C21orf91: variants seen among roughly 807,000 people sequenced by gnomAD.
The protein encoded by C21orf91 is chromosome 21 open reading frame 91.
A neutral mutation model predicts 32.9 loss-of-function variants in C21orf91; 26 were observed. That is an observed-to-expected ratio of 0.79 (90% CI 0.58 to 1.10). C21orf91 has a LOEUF of 1.10. Among genes scored for constraint, C21orf91 ranks in the 50% least tolerant of loss-of-function variants. C21orf91 has a pLI of 0.00. For synonymous variants in C21orf91, 126 were observed against 120.4 expected (o/e 1.05, Z -0.31); for missense variants, 310 against 341.3 (o/e 0.91, Z 0.72).
chr21:17,818,449 C>T (rs2062680515), intron 1 of C21orf91, 124 bp from the exon 2 acceptor site: 1 of 741,574 alleles, frequency 1.3e-6, no homozygotes, highest in Admixed American at 2.5e-5. Flanking sequence ...AAAGCTCCAT[C>T]AAACAAGCAT....
chr21:17,801,100 T>C (rs1439110227), intron 2 of C21orf91, among the ~76,000 whole-genome samples: 1 of 152,256 alleles, frequency 6.6e-6, no homozygotes, highest in East Asian at 1.9e-4. Context: ...CACATGCATA[T>C]GTATGTTTAC....
chr21:17,793,539 G>A lies in C21orf91; in HGVS notation c.770C>T (p.Ser257Phe), dbSNP rs370784680. 3.1e-6 allele frequency: 5 copies of A among 1,613,512 alleles called. No individual in the cohort carries two copies. Among genetic ancestry groups the A allele is most frequent in the Non-Finnish European group, 4.2e-6 (5 of 1,179,684 alleles). ...ELTHQVQEKD[S>F]LASQLHVRHV... ...GCGGACATGGAGCTGTGAGGCCAAA[G>A]AATCTTTTTCTTGCACTTGGTGAGT... Residue 257 changes from serine to phenylalanine, a missense_variant, in exon 5 of 5, where the codon TCT becomes TTT. Transcript: ENST00000284881.
At chr21:17,803,458 C>T (rs2062575468) in intron 2 of C21orf91, among the ~76,000 whole-genome samples, 1 of 152,054 alleles carries the variant, frequency 6.6e-6, no homozygotes, top group South Asian at 2.1e-4. Context: ...CTGCGATGAG[C>T]CACGACTGCG....
Position 17,807,158 on chromosome 21 carries a change from T to A in C21orf91, c.128-10040A>T, listed in dbSNP as rs553346197. 2.6e-5 allele frequency among the ~76,000 whole-genome samples: 4 copies of A among 152,322 alleles called. No individual in the cohort carries two copies. In the South Asian group the frequency reaches 8.3e-4, roughly 32 times the overall value. ...TTCGATTTGTGTTCCCACCCAAGTA[T>A]CATGTCAAATTGTAATACGCAATGT... On this transcript the variant is annotated intron_variant, in intron 2 of 4. Coordinates refer to ENST00000284881, the MANE Select transcript of C21orf91 (RefSeq NM_001100420.2).
chr21:17,790,943 A>AG lies in C21orf91; in HGVS notation c.*2471dup, dbSNP rs1403844996. The AG allele has an allele frequency of 6.6e-6, 1 of 152,156 alleles. No homozygotes were observed. The highest frequency in any genetic ancestry group is 1.9e-4 in the East Asian group (1 of 5,202). 9.4% of individuals were successfully genotyped at this position (152,156 alleles called of 1,614,324 possible). On this transcript the variant is annotated 3_prime_UTR_variant, in exon 5 of 5. Transcript: ENST00000284881. The stretch of plus-strand genomic sequence containing the variant: ...GAAAATTTAGTAATGGATGACTGGC[A>AG]GTCTGTTTTGCCACTTTTTAAACAG...
chr21:17,795,162 T>C (rs2258119), intron 4 of C21orf91, 46 bp downstream of exon 4: 266,252 of 1,207,152 alleles, frequency 0.22, 31,384 homozygotes, highest in East Asian at 0.39. Flanking sequence ...TGATTTTCTA[T>C]GTCAAAATTT....
intron 3 of C21orf91, among the ~76,000 whole-genome samples, chr21:17,796,001 T>C (rs940917196): frequency 6.6e-6 from 1 of 152,226 alleles, no homozygotes; most frequent in Non-Finnish European, 1.5e-5. Context: ...TCTTAAATAA[T>C]TCACATTTAG....
chr21:17,801,129 A>G (rs1734381431), intron 2 of C21orf91, among the ~76,000 whole-genome samples: 1 of 152,242 alleles, frequency 6.6e-6, no homozygotes, highest in Non-Finnish European at 1.5e-5. Flanking sequence ...TAGTCACAAT[A>G]GCAAAGACAT....
At chr21:17,803,561 C>T (rs756386727) in intron 2 of C21orf91, among the ~76,000 whole-genome samples, 5 of 152,052 alleles carry the variant, frequency 3.3e-5, no homozygotes, top group African/African-American at 4.8e-5. Context: ...ACATTTGGCA[C>T]AGCCTAAGTA....
intron 2 of C21orf91, among the ~76,000 whole-genome samples, chr21:17,815,798 T>C (rs2062661563): frequency 6.6e-6 from 1 of 152,164 alleles, no homozygotes; most frequent in South Asian, 2.1e-4. Flanking sequence ...GTAGCTGAGA[T>C]TACAGGCATG....
chr21:17,794,058 C>T (rs1333914998), intron 4 of C21orf91, among the ~76,000 whole-genome samples: 1 of 152,148 alleles, frequency 6.6e-6, no homozygotes, highest in East Asian at 1.9e-4. Context: ...TTCTGTGTAA[C>T]ATTAATAATG....
chr21:17,808,898 G>A (rs1231983944), intron 2 of C21orf91: 1 of 152,152 alleles, frequency 6.6e-6, no homozygotes, highest in African/African-American at 2.4e-5. Flanking sequence ...CTTGGTGGGA[G>A]GTGATTAGAT....
chr21:17,797,231 G>A (rs897860505), intron 2 of C21orf91, 113 bp from the exon 3 acceptor site: 40 of 611,636 alleles, frequency 6.5e-5, no homozygotes, highest in Non-Finnish European at 9.1e-5. Flanking sequence ...GTGAATTAGA[G>A]GAAAAATGCT....
rs2062487201 is a variant in C21orf91 at position 17,792,818 on chromosome 21, T to C, written c.*597A>G. The C allele has an allele frequency of 6.6e-6, 1 of 152,646 alleles. No individual in the cohort carries two copies. The highest frequency in any genetic ancestry group is 1.5e-5 in the Non-Finnish European group (1 of 68,032). 9.5% of individuals were successfully genotyped at this position (152,646 alleles called of 1,614,324 possible). Reference sequence around the variant, plus strand: ...AACAACTCAGATTTCTAATCCAAAATATATTTATCTTTGGAAAGCAAGGTA... The same window carrying C: ...AACAACTCAGATTTCTAATCCAAAACATATTTATCTTTGGAAAGCAAGGTA... On this transcript the variant is annotated 3_prime_UTR_variant, in exon 5 of 5. Transcript: ENST00000284881.
intron 2 of C21orf91, 176 bp downstream of exon 2, chr21:17,818,016 G>A (rs148358801): frequency 7.1e-6 from 3 of 421,402 alleles, no homozygotes; most frequent in Non-Finnish European, 1.3e-5. Context: ...TCTTAAATTC[G>A]TAACTCTGTT....
intron 1 of C21orf91, chr21:17,818,863 G>A (rs1374395398): frequency 6.6e-6 from 1 of 152,338 alleles, no homozygotes; most frequent in Non-Finnish European, 1.5e-5. Context: ...AATACCCGGG[G>A]AGGGCGTCCC....
At chr21:17,814,967 T>G (rs1568757373) in intron 2 of C21orf91, among the ~76,000 whole-genome samples, 1 of 152,212 alleles carries the variant, frequency 6.6e-6, no homozygotes, top group African/African-American at 2.4e-5. Context: ...CACCTGTGGC[T>G]TGGAAGTACA....
rs762588629 is a variant in C21orf91 at position 17,797,022 on chromosome 21, C to A, written c.224G>T (p.Arg75Leu). ...YHLIANQGCP[R>L]SKLSKSTYEE... ...ATAAGTACTTTTTGAAAGCTTAGAT[C>A]GAGGACAACCCTGGTTTGCAATTAA... Residue 75 changes from arginine (R) to leucine (L), a missense_variant, in exon 3 of 5, where the codon CGA (arginine) becomes CTA (leucine). Coordinates refer to ENST00000284881, the MANE Select transcript of C21orf91 (RefSeq NM_001100420.2). 2.5e-6 allele frequency: 4 copies of A among 1,612,492 alleles called. No homozygotes were observed. Among genetic ancestry groups the A allele is most frequent in the Non-Finnish European group, 3.4e-6 (4 of 1,178,672 alleles).
rs999173136 is a variant in C21orf91, at chr21:17,790,354, A to G, written c.*3061T>C. 23 of 152,144 alleles carry G rather than the reference A, an allele frequency of 1.5e-4. No individual in the cohort carries two copies. Among genetic ancestry groups the G allele is most frequent in the African/African-American group, 5.3e-4 (22 of 41,460 alleles). 9.4% of individuals were successfully genotyped at this position (152,144 alleles called of 1,614,324 possible). ...ACTAACAAGCCTTACCAGTGTAAACACTAAGGTAAAAAATATATAAACAAC... is the reference window on the plus strand; with the variant it reads ...ACTAACAAGCCTTACCAGTGTAAACGCTAAGGTAAAAAATATATAAACAAC... On this transcript the variant is annotated 3_prime_UTR_variant, in exon 5 of 5. Transcript: ENST00000284881.
Sources: gnomAD v4.1 joint callset for allele counts (sites outside exome capture counted in the v4.1 genomes callset) on GRCh38, gnomAD v4.1.1 for gene constraint, MANE v1.5 for transcripts, NCBI Gene and HGNC (gene_info 2026-07-23, HGNC 2026-07-21) for gene names.